The following CEP85 variants were observed in gnomAD, a reference collection of about 807,000 sequenced individuals.
CEP85 encodes the protein centrosomal protein 85, also known as centrosomal protein of 85 kDa.
In CEP85, 58 loss-of-function variants were observed where a neutral mutation model predicts 93.7. The observed-to-expected ratio is 0.62, with a 90% CI of 0.50 to 0.77. The LOEUF (loss-of-function observed/expected upper bound fraction) is 0.77. Ranked by LOEUF, CEP85 falls within the 30% of genes least tolerant of loss-of-function variation. CEP85 has a pLI of 0.00. For missense variants in CEP85, 868 were observed against 922.0 expected (o/e 0.94, Z 0.76); for synonymous variants, 314 against 338.6 (o/e 0.93, Z 0.80).
At position 26,270,332 on chromosome 1, in the gene CEP85, C is replaced by A. The variant is rs375433128; in HGVS notation, c.1650-682C>A. 7.9e-5 allele frequency among the ~76,000 whole-genome samples: 12 copies of A among 152,204 alleles called. No homozygotes were observed. The East Asian group carries it at 1.7e-3, about 22-fold the overall frequency. On this transcript the variant is annotated intron_variant, in intron 9 of 13. Transcript: ENST00000451429. Reference sequence around the variant, plus strand: ...CTACCAGGAGCCTTTCTCCTCAGCCCTAGGGATTGTTCTCCATTGCCATGA... The same window carrying A: ...CTACCAGGAGCCTTTCTCCTCAGCCATAGGGATTGTTCTCCATTGCCATGA...
intron 1 of CEP85, among the ~76,000 whole-genome samples, chr1:26,238,095 TAACAAGAGAA>T (rs1194693317): frequency 1.1e-4 from 16 of 150,898 alleles, no homozygotes; most frequent in African/African-American, 3.9e-4. Flanking sequence ...ATTCTCTTAG[TAACAAGAGAA>T]TACTATAGAG....
rs1192252673 is a variant in CEP85 at position 26,235,567 on chromosome 1, C to CTTTTTTTTTTTTTTTTTTTTT, written c.-23+1277_-23+1278insTTTTTTTTTTTTTTTTTTTTT. On this transcript the variant is annotated intron_variant, in intron 1 of 13. Transcript: ENST00000451429. ...GATGTTCCACACTTAGATTGTAATTCTTTTTTTTTTTTTTTTTTTTGTGAG... is the reference window on the plus strand; with the variant it reads ...GATGTTCCACACTTAGATTGTAATTCTTTTTTTTTTTTTTTTTTTTTTTTTTTTTTTTTTTTTTTTTGTGAG... Among the ~76,000 whole-genome samples, 28 of 95,580 alleles carry CTTTTTTTTTTTTTTTTTTTTT rather than the reference C, an allele frequency of 2.9e-4. 2 individuals are homozygous for CTTTTTTTTTTTTTTTTTTTTT. The highest frequency in any genetic ancestry group is 7.9e-4 in the African/African-American group (18 of 22,712). 62.7% of individuals were successfully genotyped at this position (95,580 alleles called of 152,430 possible). A position where few individuals can be genotyped will look rare whatever the true frequency, so the allele number is the denominator to read the frequency against.
At chr1:26,234,633 G>A (rs772997530) in intron 1 of CEP85, among the ~76,000 whole-genome samples, 7 of 152,262 alleles carry the variant, frequency 4.6e-5, no homozygotes, top group Non-Finnish European at 8.8e-5. Context: ...AGCCCTGGGA[G>A]TCGACGTTAA....
Position 26,244,327 on chromosome 1 carries a change from G to A in CEP85, c.208+9G>A, listed in dbSNP as rs772615540. The A allele has an allele frequency of 4.2e-5, 67 of 1,610,230 alleles. No homozygotes were observed. Among genetic ancestry groups the A allele is most frequent in the Non-Finnish European group, 5.6e-5 (66 of 1,177,280 alleles). ...CTCAGATATTGCGGAGGGTAAGTTT[G>A]TATTAATGATTTGATTACCAATATG... On this transcript the variant is annotated intron_variant, in intron 3 of 13. Coordinates refer to ENST00000451429, the MANE Select transcript of CEP85 (RefSeq NM_001319944.2).
intron 12 of CEP85, among the ~76,000 whole-genome samples, chr1:26,275,594 A>T (rs2090042726): frequency 6.6e-6 from 1 of 152,048 alleles, no homozygotes; most frequent in Admixed American, 6.5e-5. Flanking sequence ...ATGCTTTTTG[A>T]TGGGGAAAGT....
At chr1:26,247,766 C>T (rs1002690580) in intron 3 of CEP85, among the ~76,000 whole-genome samples, 2 of 152,126 alleles carry the variant, frequency 1.3e-5, no homozygotes, top group Admixed American at 1.3e-4. Context: ...CTAAGCCTTC[C>T]AAGTAGCTGG....
intron 3 of CEP85, among the ~76,000 whole-genome samples, chr1:26,251,251 G>GTT (rs34370061): frequency 0.024 from 2,704 of 113,506 alleles, 119 homozygotes; most frequent in African/African-American, 0.081. Flanking sequence ...CCCAAGCTTG[G>GTT]TTTTTTTTTT....
chr1:26,234,842 C>T (rs530668945), intron 1 of CEP85, among the ~76,000 whole-genome samples: 3 of 152,292 alleles, frequency 2.0e-5, no homozygotes, highest in East Asian at 1.9e-4. Context: ...CCCGGTACTT[C>T]TCGGCCGGGG....
intron 7 of CEP85, among the ~76,000 whole-genome samples, chr1:26,262,263 C>T (rs1222321195): frequency 2.6e-5 from 4 of 152,050 alleles, no homozygotes; most frequent in East Asian, 3.9e-4. Flanking sequence ...GCCAAGATCA[C>T]ACCACTGCAC....
In CEP85 at chr1:26,269,675, G is replaced by T. The variant is rs554525378; in HGVS notation, c.1649+61G>T. The T allele has an allele frequency of 1.2e-4, 157 of 1,362,342 alleles. No homozygotes were observed. The South Asian group carries it at 1.8e-3, about 16-fold the overall frequency. The allele number at this position is 1,362,342 out of a possible 1,614,324, so 84.4% of individuals were successfully genotyped here. On this transcript the variant is annotated intron_variant, in intron 9 of 13. Transcript: ENST00000451429. ...TTAAGTTTTTTGTCATAGCCATCCT[G>T]CTCACTTACCTGTGTGACTTTGGGT... is the stretch of plus-strand genomic sequence containing the variant.
chr1:26,251,245 AGCTTG>A (rs2089608720), intron 3 of CEP85, among the ~76,000 whole-genome samples: 1 of 120,804 alleles, frequency 8.3e-6, no homozygotes, highest in South Asian at 2.6e-4. Context: ...GCCCAACCCA[AGCTTG>A]GTTTTTTTTT....
At chr1:26,240,751 C>T (rs1808046) in intron 2 of CEP85, among the ~76,000 whole-genome samples, 80,556 of 151,818 alleles carry the variant, frequency 0.53, 22,648 homozygotes, top group Non-Finnish European at 0.65. Context: ...AAAAATTAGC[C>T]GGGTGCAGTG....
intron 2 of CEP85, 63 bp from the exon 3 acceptor site, chr1:26,244,103 A>G (rs963763084): frequency 1.3e-6 from 2 of 1,502,836 alleles, no homozygotes; most frequent in Non-Finnish European, 1.8e-6. Context: ...TTTTTTAAAA[A>G]AAGATCTGAT....
chr1:26,265,501 ATC>A (rs2089879948), intron 7 of CEP85, among the ~76,000 whole-genome samples: 1 of 152,154 alleles, frequency 6.6e-6, no homozygotes, highest in Non-Finnish European at 1.5e-5. Context: ...TGAGTTGGGA[ATC>A]TCTCTGATTG....
intron 3 of CEP85, among the ~76,000 whole-genome samples, chr1:26,250,096 C>G (rs762652893): frequency 2.0e-5 from 3 of 152,170 alleles, no homozygotes; most frequent in Non-Finnish European, 2.9e-5. Flanking sequence ...ATAGAGGTCC[C>G]TTTGAAAATG....
chr1:26,275,947 T>C (rs916235386), intron 12 of CEP85, among the ~76,000 whole-genome samples: 1 of 152,222 alleles, frequency 6.6e-6, no homozygotes, highest in African/African-American at 2.4e-5. Context: ...AAAGTCTGAC[T>C]CCACTGAGGT....
intron 1 of CEP85, among the ~76,000 whole-genome samples, chr1:26,239,371 A>G (rs986936438): frequency 2.0e-5 from 3 of 151,864 alleles, no homozygotes; most frequent in African/African-American, 7.3e-5. Context: ...ATTTTTTTTG[A>G]GATGGAGTCT....
At chr1:26,257,481 C>T in intron 4 of CEP85, 116 bp from the exon 5 acceptor site, 5 of 1,182,840 alleles carry the variant, frequency 4.2e-6, no homozygotes, top group East Asian at 2.4e-5. Flanking sequence ...AAACATTGGG[C>T]CTCATCAGGC....
chr1:26,237,068 T>A (rs2089337908), intron 1 of CEP85, among the ~76,000 whole-genome samples: 1 of 151,890 alleles, frequency 6.6e-6, no homozygotes, highest in African/African-American at 2.4e-5. Context: ...GGGAGGAGGG[T>A]ATAATGAGGG....
Sources: allele counts gnomAD v4.1 joint callset (sites outside exome capture counted in the v4.1 genomes callset), GRCh38; gene constraint gnomAD v4.1.1; transcripts MANE v1.5; gene names NCBI Gene and HGNC (gene_info 2026-07-23, HGNC 2026-07-21).